SIPA1L2: variants seen among roughly 807,000 people sequenced by gnomAD.
The protein encoded by SIPA1L2 is signal induced proliferation associated 1 like 2.
A neutral mutation model predicts 163.9 loss-of-function variants in SIPA1L2; 56 were observed. The ratio of observed to expected loss-of-function variants is 0.34; its 90% CI spans 0.28 to 0.43. SIPA1L2 has a LOEUF of 0.43. Ranked by LOEUF, SIPA1L2 falls within the 20% of genes least tolerant of loss-of-function variation. SIPA1L2 has a pLI of 1.00. For synonymous variants in SIPA1L2, 877 were observed against 865.7 expected (o/e 1.01, Z -0.23); for missense variants, 1,974 against 2,193.5 (o/e 0.90, Z 2.00).
chr1:232,514,226 C>T lies in SIPA1L2; in HGVS notation c.1114G>A (p.Gly372Ser). ...GGGGACTCACAGTTGCCTGTCTGGC[C>T]CGTAGGCATCTGAGTCTGGGATGCT... ...SAASQTQMPT[G>S]QTGNCESPLG... Residue 372 changes from glycine (G) to serine (S), a missense_variant, in exon 3 of 23, where the codon GGC becomes AGC. Gly to Ser is a moderately conservative substitution (Grantham distance 56, BLOSUM62 0). Transcript: ENST00000674635. 1 of 1,614,204 alleles carries T rather than the reference C, an allele frequency of 6.2e-7. No homozygotes were observed. Among genetic ancestry groups the T allele is most frequent in the Non-Finnish European group, 8.5e-7 (1 of 1,180,042 alleles).
intron 2 of SIPA1L2, among the ~76,000 whole-genome samples, chr1:232,538,885 T>C (rs563679380): frequency 1.3e-5 from 2 of 152,332 alleles, no homozygotes; most frequent in South Asian, 4.2e-4. Context: ...CATCTAAACC[T>C]GCAAGCGTAT....
chr1:232,464,199 A>AT (rs1362050138), intron 9 of SIPA1L2, among the ~76,000 whole-genome samples: 2 of 152,314 alleles, frequency 1.3e-5, no homozygotes, highest in Non-Finnish European at 2.9e-5. Flanking sequence ...CTAAAATCTG[A>AT]TTCTTACTTT....
intron 11 of SIPA1L2, 44 bp downstream of exon 11, chr1:232,445,485 G>A: frequency 6.2e-7 from 1 of 1,611,218 alleles, no homozygotes; most frequent in Non-Finnish European, 8.5e-7. Flanking sequence ...TCTCACCCCA[G>A]TGATTTACAA....
At chr1:232,428,318 G>T in intron 17 of SIPA1L2, 93 bp downstream of exon 17, 1 of 1,117,408 alleles carries the variant, frequency 8.9e-7, no homozygotes, top group Non-Finnish European at 1.2e-6. Flanking sequence ...AAGCATGTGG[G>T]AGTACTCTGG....
chr1:232,408,399 T>A (rs2102757677), intron 19 of SIPA1L2, among the ~76,000 whole-genome samples: 2 of 152,280 alleles, frequency 1.3e-5, no homozygotes, highest in South Asian at 4.1e-4. Flanking sequence ...TTTTAATAAC[T>A]TTCTGTCAGC....
At chr1:232,545,633 T>A (rs1488761682) in intron 2 of SIPA1L2, among the ~76,000 whole-genome samples, 1 of 152,230 alleles carries the variant, frequency 6.6e-6, no homozygotes, top group Non-Finnish European at 1.5e-5. Context: ...AACATAATTG[T>A]TTTTTAAAAA....
At chr1:232,497,089 A>AT (rs151162770) in intron 3 of SIPA1L2, among the ~76,000 whole-genome samples, 1,695 of 152,310 alleles carry the variant, frequency 0.011, 30 homozygotes, top group African/African-American at 0.038. Context: ...TAAAATGATC[A>AT]TATGTGTACT....
At chr1:232,435,988 C>CTGGA (rs1345920866) in intron 15 of SIPA1L2, among the ~76,000 whole-genome samples, 2 of 152,060 alleles carry the variant, frequency 1.3e-5, no homozygotes, top group African/African-American at 4.8e-5. Flanking sequence ...GTGCCTGGGG[C>CTGGA]TGGAGGAGGC....
chr1:232,534,563 T>C (rs1286988461), intron 2 of SIPA1L2, among the ~76,000 whole-genome samples: 2 of 152,168 alleles, frequency 1.3e-5, no homozygotes, highest in Non-Finnish European at 2.9e-5. Context: ...CTGAAAACTT[T>C]TGTGCATCAA....
chr1:232,428,371 T>TTA, intron 17 of SIPA1L2, 40 bp downstream of exon 17: 1 of 1,267,228 alleles, frequency 7.9e-7, no homozygotes, highest in Non-Finnish European at 1.0e-6. Context: ...TTTTTTTTTT[T>TTA]AGTGTTTCTG....
At chr1:232,543,628 C>T (rs113673060) in intron 2 of SIPA1L2, among the ~76,000 whole-genome samples, 24 of 152,308 alleles carry the variant, frequency 1.6e-4, no homozygotes, top group African/African-American at 5.1e-4. Flanking sequence ...CAAGGCTTTG[C>T]GAGGCTGAGG....
chr1:232,542,757 C>T (rs777616649), intron 2 of SIPA1L2, among the ~76,000 whole-genome samples: 16 of 152,202 alleles, frequency 1.1e-4, no homozygotes, highest in African/African-American at 3.4e-4. Context: ...TTTGCAGTTA[C>T]GCGATCTCAT....
At position 232,432,480 on chromosome 1, in the gene SIPA1L2, A is replaced by C. The variant is rs754592936; in HGVS notation, c.4032-9T>G. ...CTGAATGGTGAGAACCACTGAGGAG[A>C]AAAACAGACAAAAGCTGCAATACAA... On this transcript the variant is annotated splice_polypyrimidine_tract_variant and intron_variant, in intron 15 of 22. Coordinates refer to ENST00000674635, the MANE Select transcript of SIPA1L2 (RefSeq NM_020808.5). The C allele has an allele frequency of 1.9e-6, 3 of 1,609,404 alleles. No homozygotes were observed. The African/African-American group carries it at 4.0e-5, about 22-fold the overall frequency.
At position 232,445,537 on chromosome 1, in the gene SIPA1L2, A is replaced by G. The variant is rs943824649; in HGVS notation, c.3345T>C (p.Asp1115=). The change falls in exon 11 of 23, where the codon GAT becomes GAC. Residue 1115 remains aspartate, a synonymous_variant. Transcript: ENST00000674635. ...AACGGAACCAGCATTACCTCGTGCCATCGGGCAGCTTCCGGTCGAAGGAGG... is the reference window on the plus strand; with the variant it reads ...AACGGAACCAGCATTACCTCGTGCCGTCGGGCAGCTTCCGGTCGAAGGAGG... ...RSTSFDRKLP[D]GTRSSPSNQS... The G allele has an allele frequency of 3.1e-6, 5 of 1,613,790 alleles. No individual in the cohort carries two copies. Among genetic ancestry groups the G allele is most frequent in the Non-Finnish European group, 4.2e-6 (5 of 1,179,876 alleles).
At position 232,582,616 on chromosome 1, in the gene SIPA1L2, A is replaced by G. The variant is rs80196948; in HGVS notation, c.-318-8394T>C. 7.6e-3 allele frequency among the ~76,000 whole-genome samples: 1,159 copies of G among 152,272 alleles called. 15 individuals carry two copies. The highest frequency in any genetic ancestry group is 0.026 in the African/African-American group (1,098 of 41,530). ...TGTTGTGAACAGCACAGTGATACACATAAGAGTGCATGTGTCTTTTTGGTA... is the reference window on the plus strand; with the variant it reads ...TGTTGTGAACAGCACAGTGATACACGTAAGAGTGCATGTGTCTTTTTGGTA... On this transcript the variant is annotated intron_variant, in intron 1 of 22. Coordinates refer to ENST00000674635, the MANE Select transcript of SIPA1L2 (RefSeq NM_020808.5).
At chr1:232,429,899 T>A (rs1377604078) in intron 16 of SIPA1L2, among the ~76,000 whole-genome samples, 1 of 152,236 alleles carries the variant, frequency 6.6e-6, no homozygotes, top group African/African-American at 2.4e-5. Flanking sequence ...TACCAATAAC[T>A]GCATGGATAA....
intron 2 of SIPA1L2, among the ~76,000 whole-genome samples, chr1:232,558,794 G>A (rs1658871321): frequency 6.6e-6 from 1 of 152,076 alleles, no homozygotes; most frequent in African/African-American, 2.4e-5. Context: ...CAAGTTTTAT[G>A]AGGGTAATCA....
intron 10 of SIPA1L2, among the ~76,000 whole-genome samples, chr1:232,457,062 C>T (rs959272198): frequency 6.6e-6 from 1 of 152,214 alleles, no homozygotes; most frequent in Non-Finnish European, 1.5e-5. Context: ...CTCCCTTAGG[C>T]TGGCAAATGG....
chr1:232,406,380 C>G (rs1234627250), intron 19 of SIPA1L2, among the ~76,000 whole-genome samples: 1 of 152,228 alleles, frequency 6.6e-6, no homozygotes, highest in Non-Finnish European at 1.5e-5. Context: ...CTGGGCATGG[C>G]TGACACACAA....
Sources: allele counts gnomAD v4.1 joint callset (sites outside exome capture counted in the v4.1 genomes callset), GRCh38; gene constraint gnomAD v4.1.1; transcripts MANE v1.5; gene names NCBI Gene and HGNC (gene_info 2026-07-23, HGNC 2026-07-21).